The following TNR variants were observed in gnomAD, a reference collection of about 807,000 sequenced individuals.
TNR encodes the protein tenascin R.
A neutral mutation model predicts 150.4 loss-of-function variants in TNR; 45 were observed. The observed-to-expected ratio is 0.30, with a 90% CI of 0.24 to 0.38. The LOEUF (loss-of-function observed/expected upper bound fraction) is 0.38. Ranked by LOEUF, TNR falls within the 10% of genes least tolerant of loss-of-function variation. TNR has a pLI of 1.00. For missense variants in TNR, 1,544 were observed against 1,759.1 expected (o/e 0.88, Z 2.19); for synonymous variants, 687 against 678.4 (o/e 1.01, Z -0.20).
intron 1 of TNR, among the ~76,000 whole-genome samples, chr1:175,648,392 A>G (rs1185938261): frequency 6.6e-6 from 1 of 152,200 alleles, no homozygotes; most frequent in Non-Finnish European, 1.5e-5. Flanking sequence ...TTATGGGAAC[A>G]CAGCCTCAGG....
intron 1 of TNR, among the ~76,000 whole-genome samples, chr1:175,688,635 T>A (rs1666269202): frequency 6.6e-6 from 1 of 152,180 alleles, no homozygotes; most frequent in Non-Finnish European, 1.5e-5. Context: ...ATGGTGTGGG[T>A]ACCTGAGAGG....
intron 1 of TNR, among the ~76,000 whole-genome samples, chr1:175,580,876 G>T (rs1211233307): frequency 6.6e-6 from 1 of 152,132 alleles, no homozygotes; most frequent in African/African-American, 2.4e-5. Context: ...CATTGTGAGA[G>T]TGGGGAGATC....
intron 2 of TNR, among the ~76,000 whole-genome samples, chr1:175,524,233 G>A (rs1488706133): frequency 2.0e-5 from 3 of 152,030 alleles, no homozygotes; most frequent in Non-Finnish European, 4.4e-5. Context: ...ATGGGGTGTG[G>A]CACCTAGTAT....
chr1:175,326,635 A>G (rs1649411727), intron 21 of TNR, among the ~76,000 whole-genome samples: 1 of 152,150 alleles, frequency 6.6e-6, no homozygotes, highest in Admixed American at 6.6e-5. Flanking sequence ...GGAAAAGTTA[A>G]AACATATTGC....
chr1:175,486,285 C>G (rs1658010484), intron 2 of TNR, among the ~76,000 whole-genome samples: 1 of 151,930 alleles, frequency 6.6e-6, no homozygotes, highest in South Asian at 2.1e-4. Flanking sequence ...TCCCCCCACC[C>G]CTCGACAGGC....
intron 2 of TNR, among the ~76,000 whole-genome samples, chr1:175,514,939 G>A (rs765669059): frequency 2.6e-5 from 4 of 152,102 alleles, no homozygotes; most frequent in East Asian, 1.9e-4. Flanking sequence ...GAAACATCTC[G>A]TCCATGCTAC....
At chr1:175,615,792 A>G (rs1188684751) in intron 1 of TNR, among the ~76,000 whole-genome samples, 1 of 152,220 alleles carries the variant, frequency 6.6e-6, no homozygotes. Flanking sequence ...TACAGTCTGC[A>G]TCACAAACAT....
At chr1:175,325,421 G>A (rs1453843873) in intron 21 of TNR, among the ~76,000 whole-genome samples, 1 of 152,184 alleles carries the variant, frequency 6.6e-6, no homozygotes, top group Non-Finnish European at 1.5e-5. Flanking sequence ...CTGTTGGTGG[G>A]ACTAAAAACT....
chr1:175,618,568 A>G (rs1312862705), intron 1 of TNR, among the ~76,000 whole-genome samples: 1 of 152,152 alleles, frequency 6.6e-6, no homozygotes, highest in Non-Finnish European at 1.5e-5. Flanking sequence ...GCTAAGATGA[A>G]ACCATTTGTT....
At chr1:175,524,703 C>T (rs1219991512) in intron 2 of TNR, among the ~76,000 whole-genome samples, 3 of 152,172 alleles carry the variant, frequency 2.0e-5, no homozygotes, top group Non-Finnish European at 4.4e-5. Flanking sequence ...TAGCTCCAGG[C>T]TTAGCGAAGG....
intron 9 of TNR, among the ~76,000 whole-genome samples, chr1:175,374,013 G>C (rs1346242580): frequency 1.3e-5 from 2 of 152,212 alleles, no homozygotes; most frequent in Admixed American, 1.3e-4. Context: ...TCGCCCAAAG[G>C]AGGCTGAGCA....
rs1658767355 is a variant in TNR at position 175,502,211 on chromosome 1, A to T, written c.-64+26058T>A. On this transcript the variant is annotated intron_variant, in intron 2 of 22. Transcript: ENST00000367674. ...AAATGGTATAGGGTATGACCTGAGC[A>T]CTGGGATTTCAAAAAGCTTCCCACG... Among the ~76,000 whole-genome samples the T allele has an allele frequency of 2.0e-5, 3 of 152,294 alleles. No homozygotes were observed. In the South Asian group the frequency reaches 6.2e-4, roughly 32 times the overall value.
At chr1:175,632,683 TG>T (rs1664368511) in intron 1 of TNR, among the ~76,000 whole-genome samples, 1 of 152,218 alleles carries the variant, frequency 6.6e-6, no homozygotes, top group African/African-American at 2.4e-5. Context: ...TTTAGCACTG[TG>T]TACCTTATCT....
chr1:175,486,121 C>CTT (rs35730425), intron 2 of TNR, among the ~76,000 whole-genome samples: 1 of 145,146 alleles, frequency 6.9e-6, no homozygotes, highest in Non-Finnish European at 1.5e-5. Context: ...GCATTAGGTT[C>CTT]TTTTTTTTTT....
chr1:175,368,940 C>T (rs182285560), intron 9 of TNR, among the ~76,000 whole-genome samples: 2 of 152,184 alleles, frequency 1.3e-5, no homozygotes, highest in Non-Finnish European at 2.9e-5. Context: ...CAGAGTGAGA[C>T]TCTGTATCAA....
At chr1:175,385,331 C>T (rs549202697) in intron 8 of TNR, among the ~76,000 whole-genome samples, 16 of 152,296 alleles carry the variant, frequency 1.1e-4, no homozygotes, top group Middle Eastern at 3.4e-3. Context: ...CAAGTCACCC[C>T]GAGGTCTGGC....
intron 1 of TNR, among the ~76,000 whole-genome samples, chr1:175,587,510 C>G (rs952589936): frequency 6.6e-6 from 1 of 152,104 alleles, no homozygotes; most frequent in Non-Finnish European, 1.5e-5. Flanking sequence ...ATGGTAGATA[C>G]ATAGAAAAAA....
At chr1:175,622,282 C>A (rs1664001635) in intron 1 of TNR, among the ~76,000 whole-genome samples, 1 of 152,198 alleles carries the variant, frequency 6.6e-6, no homozygotes, top group Non-Finnish European at 1.5e-5. Flanking sequence ...TACTCCTCTG[C>A]AGCAGGGAAT....
chr1:175,359,793 T>A, intron 14 of TNR, 62 bp from the exon 15 acceptor site: 1 of 1,546,320 alleles, frequency 6.5e-7, no homozygotes, highest in Non-Finnish European at 8.7e-7. Flanking sequence ...ATGCAGGGAA[T>A]GATCTCAGAA....
Sources: gnomAD v4.1 joint callset for allele counts (sites outside exome capture counted in the v4.1 genomes callset) on GRCh38, gnomAD v4.1.1 for gene constraint, MANE v1.5 for transcripts, NCBI Gene and HGNC (gene_info 2026-07-23, HGNC 2026-07-21) for gene names.